Variants in CEP83 observed in about 807,000 individuals in gnomAD.
The protein encoded by CEP83 is centrosomal protein of 83 kDa.
Under a neutral mutation model 101.9 loss-of-function variants are expected in CEP83, and 70 were observed. That is an observed-to-expected ratio of 0.69 (90% confidence interval 0.57 to 0.84). The LOEUF is 0.84. Ranked by LOEUF, CEP83 falls within the 40% of genes least tolerant of loss-of-function variation. The pLI is 0.00. For synonymous variants in CEP83, 264 were observed against 267.9 expected (o/e 0.99, Z 0.14); for missense variants, 715 against 787.2 (o/e 0.91, Z 1.10).
intron 2 of CEP83, chr12:94,424,623 C>T: frequency 1.2e-6 from 2 of 1,613,454 alleles, no homozygotes; most frequent in East Asian, 2.2e-5. Flanking sequence ...GCCTTCAGTG[C>T]TGTTACAGCT....
chr12:94,361,392 G>C (rs1373930598), intron 11 of CEP83: 1 of 152,190 alleles, frequency 6.6e-6, no homozygotes, highest in African/African-American at 2.4e-5. Flanking sequence ...AGGACCACCA[G>C]AATGCCTAAG....
At chr12:94,304,025 A>C (rs1968750705), downstream of CEP83, 1 of 1,571,672 alleles carries the variant, frequency 6.4e-7, no homozygotes, top group Non-Finnish European at 8.8e-7. Context: ...AGAAATTTAC[A>C]AATACATCGT....
At chr12:94,268,794 C>T in the CEP83 span, among the ~76,000 whole-genome samples, 26 of 151,896 alleles carry the variant, frequency 1.7e-4, no homozygotes, top group East Asian at 2.1e-3. Flanking sequence ...GGGTTTTCGC[C>T]GTGTTGGCTA....
Position 94,376,313 on chromosome 12 carries a change from C to T in CEP83, c.802-296G>A, listed in dbSNP as rs1280158058. On this transcript the variant is annotated intron_variant, in intron 7 of 16. Coordinates refer to ENST00000397809, the MANE Select transcript of CEP83 (RefSeq NM_016122.3). Reference sequence around the variant, plus strand: ...AGTACCTAAGGCATTCATTTGATGTCTATTTACTCTTAACACTGACTTATT... The same window carrying T: ...AGTACCTAAGGCATTCATTTGATGTTTATTTACTCTTAACACTGACTTATT... Among the ~76,000 whole-genome samples, 5 of 152,142 alleles carry T rather than the reference C, an allele frequency of 3.3e-5. No homozygotes were observed. The East Asian group carries it at 9.6e-4, about 29-fold the overall frequency.
intron 11 of CEP83, among the ~76,000 whole-genome samples, chr12:94,344,484 T>C (rs1260384499): frequency 1.3e-5 from 2 of 152,114 alleles, no homozygotes; most frequent in East Asian, 1.9e-4. Context: ...AAGCAGCTAT[T>C]AGAAAATATG....
At chr12:94,332,817 GTGGCC>G (rs1364365174) in intron 13 of CEP83, among the ~76,000 whole-genome samples, 1 of 151,982 alleles carries the variant, frequency 6.6e-6, no homozygotes, top group Non-Finnish European at 1.5e-5. Flanking sequence ...ATGTGGCATG[GTGGCC>G]TTCAGAAGAA....
intron 2 of CEP83, among the ~76,000 whole-genome samples, chr12:94,414,140 G>A (rs574009013): frequency 6.6e-6 from 1 of 152,276 alleles, no homozygotes; most frequent in South Asian, 2.1e-4. Context: ...CTTACTCTTA[G>A]ATTTAACACG....
chr12:94,358,447 G>A (rs2136896090), intron 11 of CEP83, among the ~76,000 whole-genome samples: 1 of 152,298 alleles, frequency 6.6e-6, no homozygotes, highest in East Asian at 1.9e-4. Flanking sequence ...CCATTGTTAA[G>A]CCTCCAGAAC....
intron 11 of CEP83, chr12:94,361,507 C>T (rs900077228): frequency 2.0e-5 from 3 of 152,088 alleles, no homozygotes; most frequent in Admixed American, 2.0e-4. Flanking sequence ...GCCTGGGCAA[C>T]ACAGCAAAAT....
At chr12:94,275,676 A>T in the CEP83 span, among the ~76,000 whole-genome samples, 1 of 101,524 alleles carries the variant, frequency 9.8e-6, no homozygotes, top group African/African-American at 4.1e-5. Flanking sequence ...AAACGGTGAA[A>T]CCCCGTCTCT....
At chr12:94,351,301 T>A (rs2060186134) in intron 11 of CEP83, among the ~76,000 whole-genome samples, 1 of 152,128 alleles carries the variant, frequency 6.6e-6, no homozygotes, top group Admixed American at 6.5e-5. Flanking sequence ...TACAGGGAGC[T>A]GCTTGGAGTC....
intron 8 of CEP83, among the ~76,000 whole-genome samples, chr12:94,371,252 G>A (rs1057363025): frequency 1.3e-5 from 2 of 152,096 alleles, no homozygotes; most frequent in African/African-American, 4.8e-5. Flanking sequence ...CGAATCTGTT[G>A]GCTTAAGAAA....
chr12:94,459,115 T>C (rs2067940413), intron 1 of CEP83, among the ~76,000 whole-genome samples: 1 of 152,248 alleles, frequency 6.6e-6, no homozygotes, highest in South Asian at 2.1e-4. Context: ...TACAAATACT[T>C]AGCAGTGGAT....
chr12:94,288,472 T>A, the CEP83 span, among the ~76,000 whole-genome samples: 1 of 152,194 alleles, frequency 6.6e-6, no homozygotes, highest in African/African-American at 2.4e-5. Flanking sequence ...CAGAAGGAGC[T>A]GGCTAGTGGC....
rs1229967789 is a variant in CEP83, at chr12:94,412,589, T to C, written c.-99A>G. On this transcript the variant is annotated splice_region_variant and 5_prime_UTR_variant, in exon 3 of 17. Transcript: ENST00000397809. ...GGCAGAATCTCAGGAAGCCAAATTATACCTGCACAGAGAAATAAACATAAT... is the reference window on the plus strand; with the variant it reads ...GGCAGAATCTCAGGAAGCCAAATTACACCTGCACAGAGAAATAAACATAAT... The C allele has an allele frequency of 2.2e-6, 2 of 907,628 alleles. No homozygotes were observed. Among genetic ancestry groups the C allele is most frequent in the Non-Finnish European group, 3.5e-6 (2 of 578,558 alleles). The allele number at this position is 907,628 out of a possible 1,614,324, so 56.2% of individuals were successfully genotyped here. A position where few individuals can be genotyped will look rare whatever the true frequency, so the allele number is the denominator to read the frequency against.
In CEP83 at chr12:94,308,408, G is replaced by C. The variant is rs1373893403; in HGVS notation, c.*405C>G. 2 of 153,054 alleles carry C rather than the reference G, an allele frequency of 1.3e-5. No individual in the cohort carries two copies. The highest frequency in any genetic ancestry group is 2.4e-5 in the African/African-American group (1 of 41,298). The allele number at this position is 153,054 out of a possible 1,614,324, so 9.5% of individuals were successfully genotyped here. A position where few individuals can be genotyped will look rare whatever the true frequency, so the allele number is the denominator to read the frequency against. ...TCATCTTTTTTCAACTACAGTTTTT[G>C]TATATAGTAAACCAGAAGATGTGTA... On this transcript the variant is annotated 3_prime_UTR_variant, in exon 17 of 17. Coordinates refer to ENST00000397809, the MANE Select transcript of CEP83 (RefSeq NM_016122.3).
chr12:94,370,056 G>A lies in CEP83; in HGVS notation c.934-20C>T. 7.3e-7 allele frequency: 1 copy of A among 1,365,596 alleles called. No homozygotes were observed. The highest frequency in any genetic ancestry group is 2.3e-5 in the East Asian group (1 of 43,532). The allele number at this position is 1,365,596 out of a possible 1,614,324, so 84.6% of individuals were successfully genotyped here. A position where few individuals can be genotyped will look rare whatever the true frequency, so the allele number is the denominator to read the frequency against. ...TTTTACCTGTTGATAATTAAAAACT[G>A]AAATTACTATTGGTCATTTTCTTGC... On this transcript the variant is annotated intron_variant, in intron 8 of 16. Transcript: ENST00000397809.
At chr12:94,423,730 G>T in intron 2 of CEP83, 1 of 1,610,896 alleles carries the variant, frequency 6.2e-7, no homozygotes. Flanking sequence ...AAGATGGGGA[G>T]GGGAATCCCA....
At chr12:94,280,092 T>C in the CEP83 span, 19 of 328,396 alleles carry the variant, frequency 5.8e-5, no homozygotes, top group Non-Finnish European at 8.9e-5. Flanking sequence ...TCTAGCCTGC[T>C]AGAAAGGTCA....
Sources: allele counts gnomAD v4.1 joint callset (sites outside exome capture counted in the v4.1 genomes callset), GRCh38; gene constraint gnomAD v4.1.1; transcripts MANE v1.5; gene names NCBI Gene and HGNC (gene_info 2026-07-23, HGNC 2026-07-21).